Variants in PAX7 observed in about 807,000 individuals in gnomAD.
The protein encoded by PAX7 is paired box 7.
A neutral mutation model predicts 50.7 loss-of-function variants in PAX7; 18 were observed. That is an observed-to-expected ratio of 0.36 (90% CI 0.25 to 0.53). The LOEUF (loss-of-function observed/expected upper bound fraction) is 0.53. Ranked by LOEUF, PAX7 falls within the 20% of genes least tolerant of loss-of-function variation. PAX7 has a pLI of 0.93. For missense variants in PAX7, 644 were observed against 702.9 expected (o/e 0.92, Z 0.95); for synonymous variants, 310 against 290.4 (o/e 1.07, Z -0.69).
intron 4 of PAX7, among the ~76,000 whole-genome samples, chr1:18,646,045 G>C (rs935228203): frequency 6.6e-6 from 1 of 152,150 alleles, no homozygotes; most frequent in African/African-American, 2.4e-5. Flanking sequence ...AGTCCAATGT[G>C]GGGGGATATA....
At chr1:18,672,804 A>T (rs1233101873) in intron 4 of PAX7, among the ~76,000 whole-genome samples, 1 of 151,916 alleles carries the variant, frequency 6.6e-6, no homozygotes, top group African/African-American at 2.4e-5. Flanking sequence ...GGGGGGTTTC[A>T]TCAGGTTGGC....
At position 18,735,281 on chromosome 1, in the gene PAX7, T is replaced by C. The variant is rs1330449569; in HGVS notation, c.1156-351T>C. Among the ~76,000 whole-genome samples, 2 of 152,120 alleles carry C rather than the reference T, an allele frequency of 1.3e-5. No homozygotes were observed. The highest frequency in any genetic ancestry group is 2.9e-5 in the Non-Finnish European group (2 of 68,002). The stretch of plus-strand genomic sequence containing the variant: ...TGATGGGAGAGGCCTCATTAGCCAG[T>C]TCGTTCATTCATGCATTCATTCATG... On this transcript the variant is annotated intron_variant, in intron 7 of 8. Coordinates refer to ENST00000420770, the MANE Select transcript of PAX7 (RefSeq NM_001135254.2). This position sits in a 1 kb window ranked among gnomAD's most constrained non-coding sequence, Gnocchi z 4.0.
chr1:18,677,351 A>T (rs941340376), intron 4 of PAX7, among the ~76,000 whole-genome samples: 3 of 151,630 alleles, frequency 2.0e-5, no homozygotes, highest in Non-Finnish European at 2.9e-5. Flanking sequence ...TCTCATCAGC[A>T]CTCCAGGACC....
intron 5 of PAX7, among the ~76,000 whole-genome samples, chr1:18,699,168 G>A (rs1390086030): frequency 6.6e-6 from 1 of 152,144 alleles, no homozygotes; most frequent in Non-Finnish European, 1.5e-5. Flanking sequence ...CCAGGCATTG[G>A]GCAAGGAATG....
chr1:18,732,956 T>C (rs1297210714), intron 7 of PAX7, among the ~76,000 whole-genome samples: 1 of 152,160 alleles, frequency 6.6e-6, no homozygotes, highest in Non-Finnish European at 1.5e-5. Context: ...ACTGTCCTTC[T>C]GAAAGAAGTG....
At chr1:18,738,323 C>T (rs1042457660) in intron 8 of PAX7, among the ~76,000 whole-genome samples, 4 of 152,170 alleles carry the variant, frequency 2.6e-5, no homozygotes, top group East Asian at 3.9e-4. Context: ...GTGACCCCAG[C>T]GGCAGCGGCA....
At chr1:18,712,394 T>C (rs1234701262) in intron 7 of PAX7, among the ~76,000 whole-genome samples, 1 of 152,258 alleles carries the variant, frequency 6.6e-6, no homozygotes, top group African/African-American at 2.4e-5. Context: ...GGGAGCGGCC[T>C]GGGCAGAGCC....
chr1:18,636,307 CAAG>C lies in PAX7; in HGVS notation c.526_528del (p.Lys176del), dbSNP rs1487553359. On this transcript the variant is annotated inframe_deletion, in exon 4 of 9. Coordinates refer to ENST00000420770, the MANE Select transcript of PAX7 (RefSeq NM_001135254.2). The surrounding 1 kb of genome is among the most constrained non-coding windows in gnomAD (Gnocchi z 5.1). ...AGAAAGAGGAGGAGGATGAAGCGGA[CAAG>C]AAGGAGGACGACGGCGAAAAGAAGG... 8 of 1,614,094 alleles carry C rather than the reference CAAG, an allele frequency of 5.0e-6. No individual in the cohort carries two copies. Among genetic ancestry groups the C allele is most frequent in the South Asian group, 1.1e-5 (1 of 91,092 alleles).
At chr1:18,716,728 A>G (rs1360213765) in intron 7 of PAX7, among the ~76,000 whole-genome samples, 2 of 150,692 alleles carry the variant, frequency 1.3e-5, no homozygotes, top group African/African-American at 2.4e-5. Context: ...GCCTCCTCCC[A>G]TAGCTGGCCT....
At chr1:18,681,216 A>C (rs1224136392) in intron 4 of PAX7, among the ~76,000 whole-genome samples, 5 of 145,262 alleles carry the variant, frequency 3.4e-5, no homozygotes, top group Non-Finnish European at 6.1e-5. Context: ...CTCCTCATAG[A>C]GTGGGCCTGC....
chr1:18,667,388 GAGAAAGGAAGGAAGGAAGGA>G (rs1426236028), intron 4 of PAX7, among the ~76,000 whole-genome samples: 2 of 115,620 alleles, frequency 1.7e-5, no homozygotes, highest in African/African-American at 6.7e-5. Context: ...GAGAAGGAAG[GAGAAAGGAAGGAAGGAAGGA>G]AGGAAGGAAG....
chr1:18,691,944 G>T lies in PAX7; in HGVS notation c.777G>T (p.Ala259=), dbSNP rs150824825. ...CGCAGAGGACCAAGCTGACAGAGGC[G>T]CGTGTGCAGGTGAGGAGGCACCTGC... is the stretch of plus-strand genomic sequence containing the variant. ...ELAQRTKLTE[A]RVQVWFSNRR... Residue 259 remains alanine (A), a synonymous_variant, in exon 5 of 9, where the codon GCG becomes GCT. Transcript: ENST00000420770. 1.1e-5 allele frequency: 18 copies of T among 1,613,070 alleles called. No individual in the cohort carries two copies. The East Asian group carries it at 1.8e-4, about 16-fold the overall frequency.
intron 7 of PAX7, among the ~76,000 whole-genome samples, chr1:18,704,574 T>A (rs994918595): frequency 1.3e-5 from 2 of 151,972 alleles, no homozygotes; most frequent in Non-Finnish European, 2.9e-5. Context: ...GAGCCAAGAT[T>A]GCACCATTGC....
chr1:18,727,192 C>T (rs1182735650), intron 7 of PAX7, among the ~76,000 whole-genome samples: 1 of 152,088 alleles, frequency 6.6e-6, no homozygotes, highest in African/African-American at 2.4e-5. Context: ...ACATATAACA[C>T]ACAGGCACAT....
chr1:18,743,364 C>T (rs1931250958), intron 8 of PAX7, among the ~76,000 whole-genome samples: 1 of 152,212 alleles, frequency 6.6e-6, no homozygotes, highest in South Asian at 2.1e-4. Flanking sequence ...TGGCACTGTC[C>T]ACTTGGCCTC....
chr1:18,713,566 G>A (rs937146670), intron 7 of PAX7, among the ~76,000 whole-genome samples: 7 of 152,122 alleles, frequency 4.6e-5, no homozygotes, highest in African/African-American at 1.7e-4. Flanking sequence ...CAGCCTAGAG[G>A]GAGACTCAAG....
intron 8 of PAX7, chr1:18,736,081 A>C: frequency 1.1e-6 from 1 of 923,180 alleles, no homozygotes; most frequent in South Asian, 1.5e-5. Flanking sequence ...TCTCCTGGCT[A>C]AGCCTCTGCT....
chr1:18,744,041 C>G (rs1425661905), intron 8 of PAX7, among the ~76,000 whole-genome samples: 1 of 152,144 alleles, frequency 6.6e-6, no homozygotes, highest in African/African-American at 2.4e-5. Flanking sequence ...TCTGGGGGAC[C>G]AGATGGACAG....
intron 4 of PAX7, among the ~76,000 whole-genome samples, chr1:18,651,854 G>T (rs1324210321): frequency 9.6e-6 from 1 of 104,388 alleles, no homozygotes; most frequent in Non-Finnish European, 1.8e-5. Context: ...TCATGCACCT[G>T]CTGAGGCTTC....
Sources: allele counts gnomAD v4.1 joint callset (sites outside exome capture counted in the v4.1 genomes callset), GRCh38; gene constraint gnomAD v4.1.1; non-coding constraint Gnocchi (gnomAD v3.1); transcripts MANE v1.5; gene names NCBI Gene and HGNC (gene_info 2026-07-23, HGNC 2026-07-21).